The following MACROH2A2 variants were observed in gnomAD, a reference collection of about 807,000 sequenced individuals.
MACROH2A2 encodes the protein core histone macro-H2A.2.
MACROH2A2 carries 6 observed loss-of-function variants against 37.6 expected under a neutral mutation model. The observed-to-expected ratio is 0.16, with a 90% confidence interval of 0.09 to 0.32. The LOEUF is 0.32. Among genes scored for constraint, MACROH2A2 ranks in the 10% least tolerant of loss-of-function variants. The probability of loss-of-function intolerance (pLI) is 1.00; values close to 1 mark genes in which losing one functional copy is unlikely to be tolerated. For missense variants in MACROH2A2, 290 were observed against 485.9 expected, an observed-to-expected ratio of 0.60 and a Z score of 3.79; for synonymous variants, 192 against 202.7, an observed-to-expected ratio of 0.95 and a Z score of 0.45.
chr10:70,068,696 G>A (rs56170861), intron 1 of MACROH2A2, among the ~76,000 whole-genome samples: 17 of 152,294 alleles, frequency 1.1e-4, no homozygotes, highest in African/African-American at 4.1e-4. Context: ...TGAACCATCG[G>A]GAGCTGGTAG....
intron 3 of MACROH2A2, 67 bp downstream of exon 3, chr10:70,090,233 C>A: frequency 1.9e-6 from 2 of 1,052,204 alleles, no homozygotes; most frequent in Non-Finnish European, 3.0e-6. Flanking sequence ...GTGGGCCTGG[C>A]TGGCCATGAG....
intron 2 of MACROH2A2, among the ~76,000 whole-genome samples, chr10:70,082,184 C>A (rs1251090114): frequency 6.6e-6 from 1 of 152,124 alleles, no homozygotes; most frequent in East Asian, 1.9e-4. Flanking sequence ...CTTTGGGAGG[C>A]CGAGGCGGGC....
chr10:70,067,271 C>G (rs1314700471), intron 1 of MACROH2A2, among the ~76,000 whole-genome samples: 1 of 152,122 alleles, frequency 6.6e-6, no homozygotes, highest in Non-Finnish European at 1.5e-5. Flanking sequence ...CATAACTACC[C>G]CACATATTGA....
At chr10:70,080,973 G>A (rs924366381) in intron 2 of MACROH2A2, among the ~76,000 whole-genome samples, 25 of 148,842 alleles carry the variant, frequency 1.7e-4, no homozygotes, top group African/African-American at 6.2e-4. Flanking sequence ...GCTGATGTGG[G>A]AGGATTCCTT....
At chr10:70,110,347 C>T (rs1456263126) in intron 8 of MACROH2A2, among the ~76,000 whole-genome samples, 2 of 152,190 alleles carry the variant, frequency 1.3e-5, no homozygotes, top group Middle Eastern at 3.4e-3. Context: ...CCGCCATGCC[C>T]GGAGTCACAA....
At chr10:70,095,785 T>C (rs369046696) in intron 6 of MACROH2A2, 32 bp downstream of exon 6, 124 of 1,019,798 alleles carry the variant, frequency 1.2e-4, no homozygotes, top group Non-Finnish European at 1.8e-4. Context: ...AGAAGTGCCA[T>C]AGAATAGGCC....
intron 6 of MACROH2A2, among the ~76,000 whole-genome samples, chr10:70,097,421 A>C (rs539256345): frequency 6.6e-6 from 1 of 152,246 alleles, no homozygotes; most frequent in African/African-American, 2.4e-5. Context: ...CTGCTGTGTT[A>C]GGAGGAGTCC....
chr10:70,056,699 G>A (rs1207140936), intron 1 of MACROH2A2, among the ~76,000 whole-genome samples: 1 of 152,166 alleles, frequency 6.6e-6, no homozygotes, highest in African/African-American at 2.4e-5. Flanking sequence ...GAAGGAAGCT[G>A]GATGCAGATG....
At position 70,106,744 on chromosome 10, in the gene MACROH2A2, A is replaced by C. The variant is rs145346414; in HGVS notation, c.779-2289A>C. On this transcript the variant is annotated intron_variant, in intron 7 of 8. Coordinates refer to ENST00000373255, the MANE Select transcript of MACROH2A2 (RefSeq NM_018649.3). ...CTTGAACCCGAGAGGCAGAGGTTGC[A>C]GTGAGCTGTGATCGAGCCACTGCAC... Among the ~76,000 whole-genome samples the C allele has an allele frequency of 6.7e-3, 983 of 145,858 alleles. 14 individuals carry two copies. The highest frequency in any genetic ancestry group is 0.024 in the African/African-American group (946 of 39,308).
At chr10:70,086,804 A>G (rs1225983100) in intron 2 of MACROH2A2, among the ~76,000 whole-genome samples, 3 of 152,074 alleles carry the variant, frequency 2.0e-5, no homozygotes, top group Non-Finnish European at 2.9e-5. Context: ...TCCCATGTGT[A>G]CCCCAGAAAT....
intron 2 of MACROH2A2, among the ~76,000 whole-genome samples, chr10:70,080,450 A>T (rs1195462973): frequency 1.3e-5 from 2 of 152,094 alleles, no homozygotes; most frequent in African/African-American, 2.4e-5. Flanking sequence ...AAGATGTCCA[A>T]GAGGGCTGGG....
chr10:70,101,525 G>A (rs992266372), intron 7 of MACROH2A2, among the ~76,000 whole-genome samples: 6 of 152,166 alleles, frequency 3.9e-5, no homozygotes, highest in East Asian at 1.9e-4. Context: ...GCCACAAGGC[G>A]TTTTCGAATC....
intron 8 of MACROH2A2, among the ~76,000 whole-genome samples, chr10:70,110,987 G>A (rs2072369089): frequency 6.6e-6 from 1 of 152,096 alleles, no homozygotes. Context: ...CATTGTGCTT[G>A]GCAGGGCACG....
intron 2 of MACROH2A2, among the ~76,000 whole-genome samples, chr10:70,077,350 C>T (rs1350175465): frequency 6.6e-6 from 1 of 151,288 alleles, no homozygotes; most frequent in African/African-American, 2.4e-5. Context: ...GGTGGATCAC[C>T]TGAGGTCAGG....
At chr10:70,061,597 G>A (rs901217975) in intron 1 of MACROH2A2, among the ~76,000 whole-genome samples, 1 of 151,996 alleles carries the variant, frequency 6.6e-6, no homozygotes, top group Non-Finnish European at 1.5e-5. Flanking sequence ...CCCCTTAAAT[G>A]CCCCTACCCC....
intron 7 of MACROH2A2, among the ~76,000 whole-genome samples, chr10:70,108,062 A>AT (rs996177259): frequency 1.7e-4 from 26 of 152,194 alleles, no homozygotes; most frequent in African/African-American, 5.8e-4. Flanking sequence ...CTATAAAAAA[A>AT]TTTTAAAAAT....
intron 6 of MACROH2A2, 124 bp from the exon 7 acceptor site, chr10:70,100,084 G>T (rs2072297912): frequency 3.5e-6 from 2 of 579,656 alleles, no homozygotes; most frequent in Non-Finnish European, 3.1e-6. Context: ...GATAACAATT[G>T]GGAAGTTCAA....
chr10:70,053,929 G>T lies in MACROH2A2; in HGVS notation c.-60+929G>T, dbSNP rs2136611380. On this transcript the variant is annotated intron_variant, in intron 1 of 8. Transcript: ENST00000373255. This position sits in a 1 kb window ranked among gnomAD's most constrained non-coding sequence, Gnocchi z 4.8. ...CGGACGCCGTGCGTATCGCTCGCGG[G>T]GCGCGGCGGTTGGGGACCAGCCCTG... 6.6e-6 allele frequency among the ~76,000 whole-genome samples: 1 copy of T among 152,346 alleles called. No individual in the cohort carries two copies. Among genetic ancestry groups the T allele is most frequent in the South Asian group, 2.1e-4 (1 of 4,832 alleles).
At chr10:70,106,293 C>T (rs2136643517) in intron 7 of MACROH2A2, among the ~76,000 whole-genome samples, 1 of 152,272 alleles carries the variant, frequency 6.6e-6, no homozygotes, top group African/African-American at 2.4e-5. Context: ...GGTGCTTATA[C>T]CAAATACCAG....
Sources: gnomAD v4.1 joint callset for allele counts (sites outside exome capture counted in the v4.1 genomes callset) on GRCh38, gnomAD v4.1.1 for gene constraint, Gnocchi (gnomAD v3.1) non-coding constraint, MANE v1.5 for transcripts, NCBI Gene and HGNC (gene_info 2026-07-23, HGNC 2026-07-21) for gene names.